Variants in MSI2 observed in about 807,000 individuals in gnomAD.
The protein encoded by MSI2 is RNA-binding protein Musashi homolog 2.
Under a neutral mutation model 45.6 loss-of-function variants are expected in MSI2, and 17 were observed. The ratio of observed to expected loss-of-function variants is 0.37; its 90% CI spans 0.26 to 0.56. The LOEUF (loss-of-function observed/expected upper bound fraction) is 0.56, where lower values mean the gene tolerates loss of function less well. Among genes scored for constraint, MSI2 ranks in the 20% least tolerant of loss-of-function variants. The pLI, the probability that MSI2 is intolerant of heterozygous loss-of-function variation, is 0.77. For missense variants in MSI2, 293 were observed against 444.2 expected, an observed-to-expected ratio of 0.66 and a Z score of 3.06; for synonymous variants, 156 against 158.2, an observed-to-expected ratio of 0.99 and a Z score of 0.11.
chr17:57,474,825 T>C (rs914613881), intron 6 of MSI2, among the ~76,000 whole-genome samples: 1 of 152,164 alleles, frequency 6.6e-6, no homozygotes, highest in African/African-American at 2.4e-5. Flanking sequence ...TTCAAGTGAT[T>C]CTTCTGCCTC....
At chr17:57,603,085 G>A (rs551927596) in intron 8 of MSI2, among the ~76,000 whole-genome samples, 22 of 152,272 alleles carry the variant, frequency 1.4e-4, no homozygotes, top group African/African-American at 4.6e-4. Flanking sequence ...CTGGCACCTG[G>A]ACCTCCAGGC....
intron 5 of MSI2, among the ~76,000 whole-genome samples, chr17:57,385,447 T>C (rs1567793578): frequency 6.6e-6 from 1 of 152,180 alleles, no homozygotes; most frequent in African/African-American, 2.4e-5. Context: ...CTTCTGCTCA[T>C]TCGAGACGAG....
chr17:57,484,215 GCTCCTC>G (rs2085706787), intron 6 of MSI2, among the ~76,000 whole-genome samples: 2 of 152,074 alleles, frequency 1.3e-5, no homozygotes, highest in Admixed American at 6.5e-5. Flanking sequence ...CTCTTTCCCT[GCTCCTC>G]AGGCAGATGC....
intron 10 of MSI2, among the ~76,000 whole-genome samples, chr17:57,641,207 G>A (rs1910232573): frequency 6.6e-6 from 1 of 152,142 alleles, no homozygotes; most frequent in Non-Finnish European, 1.5e-5. Flanking sequence ...CTAGGGGAGG[G>A]AACTTAAGAT....
At chr17:57,380,189 T>C (rs2695349) in intron 5 of MSI2, among the ~76,000 whole-genome samples, 141,777 of 152,226 alleles carry the variant, frequency 0.93, 66,134 homozygotes, top group East Asian at 1. Context: ...AACGCACCCA[T>C]GTCTTTGTGG....
At chr17:57,381,407 C>T (rs890029776) in intron 5 of MSI2, among the ~76,000 whole-genome samples, 1 of 152,180 alleles carries the variant, frequency 6.6e-6, no homozygotes, top group Non-Finnish European at 1.5e-5. Context: ...AATATCTCCC[C>T]TTCCTTGAAG....
At chr17:57,500,477 G>C (rs551577706) in intron 6 of MSI2, among the ~76,000 whole-genome samples, 3 of 151,534 alleles carry the variant, frequency 2.0e-5, no homozygotes, top group East Asian at 3.9e-4. Flanking sequence ...GGGCTAGCAA[G>C]AGGAGGAGCG....
At chr17:57,263,249 T>C (rs1907484440) in intron 5 of MSI2, among the ~76,000 whole-genome samples, 1 of 152,236 alleles carries the variant, frequency 6.6e-6, no homozygotes, top group Non-Finnish European at 1.5e-5. Flanking sequence ...ATTGATTGAT[T>C]CCTTCCTTCC....
chr17:57,677,330 C>A (rs570850198), intron 13 of MSI2, among the ~76,000 whole-genome samples: 3 of 152,132 alleles, frequency 2.0e-5, no homozygotes, highest in Non-Finnish European at 2.9e-5. Flanking sequence ...TCTGTATCTT[C>A]CCCACCCTTC....
intron 7 of MSI2, among the ~76,000 whole-genome samples, chr17:57,538,749 T>C (rs903613151): frequency 2.6e-5 from 4 of 152,184 alleles, no homozygotes; most frequent in African/African-American, 9.6e-5. Context: ...CACACACACA[T>C]ATGCTTGCAT....
chr17:57,599,089 G>A (rs975996569), intron 8 of MSI2, among the ~76,000 whole-genome samples: 5 of 152,238 alleles, frequency 3.3e-5, no homozygotes, highest in Admixed American at 2.6e-4. Flanking sequence ...CTGGGCAGTG[G>A]GGAATAGAAG....
At chr17:57,692,010 T>C in the MSI2 span, among the ~76,000 whole-genome samples, 2 of 152,214 alleles carry the variant, frequency 1.3e-5, no homozygotes, top group African/African-American at 4.8e-5. Flanking sequence ...TCCATCCTAT[T>C]CCTACTTTGC....
At chr17:57,291,102 A>G (rs760454330) in intron 5 of MSI2, among the ~76,000 whole-genome samples, 1 of 152,120 alleles carries the variant, frequency 6.6e-6, no homozygotes, top group Non-Finnish European at 1.5e-5. Context: ...CCAGCATCCC[A>G]TACTCAATTC....
intron 11 of MSI2, 112 bp from the exon 12 acceptor site, chr17:57,674,860 A>C: frequency 6.8e-7 from 1 of 1,472,682 alleles, no homozygotes; most frequent in African/African-American, 1.4e-5. Flanking sequence ...TTGGCTTGTA[A>C]TGACCGGTGC....
At chr17:57,483,199 T>G (rs1274277089) in intron 6 of MSI2, among the ~76,000 whole-genome samples, 1 of 152,188 alleles carries the variant, frequency 6.6e-6, no homozygotes, top group Non-Finnish European at 1.5e-5. Flanking sequence ...ATAGAAACCA[T>G]GCTAGTTGAG....
intron 6 of MSI2, among the ~76,000 whole-genome samples, chr17:57,466,032 G>A (rs556083302): frequency 6.6e-6 from 1 of 152,272 alleles, no homozygotes; most frequent in Admixed American, 6.5e-5. Flanking sequence ...AGACTCGGGT[G>A]CACACTCCCC....
intron 5 of MSI2, among the ~76,000 whole-genome samples, chr17:57,296,175 C>G (rs552387578): frequency 5.1e-4 from 78 of 151,608 alleles, no homozygotes; most frequent in Non-Finnish European, 6.2e-4. Context: ...GTTGGTTGCC[C>G]TGAGATTATT....
intron 8 of MSI2, among the ~76,000 whole-genome samples, chr17:57,612,817 A>G (rs534329641): frequency 4.6e-5 from 7 of 152,366 alleles, no homozygotes; most frequent in East Asian, 3.9e-4. Context: ...AAGACAATGC[A>G]GTAGATTGTC....
intron 6 of MSI2, among the ~76,000 whole-genome samples, chr17:57,505,552 C>G (rs2086208631): frequency 6.6e-6 from 1 of 152,186 alleles, no homozygotes; most frequent in African/African-American, 2.4e-5. Context: ...CTAACATATG[C>G]AGGTATTCCT....
Sources: gnomAD v4.1 joint callset for allele counts (sites outside exome capture counted in the v4.1 genomes callset) on GRCh38, gnomAD v4.1.1 for gene constraint, MANE v1.5 for transcripts, NCBI Gene and HGNC (gene_info 2026-07-23, HGNC 2026-07-21) for gene names.